The following IGF1 variants were observed in gnomAD, a reference collection of about 807,000 sequenced individuals.
IGF1 encodes the protein insulin like growth factor 1, also known as insulin-like growth factor 1.
IGF1 carries 4 observed loss-of-function variants against 13.8 expected under a neutral mutation model. The ratio of observed to expected loss-of-function variants is 0.29; its 90% CI spans 0.14 to 0.66. The LOEUF is 0.66. Ranked by LOEUF, IGF1 falls within the 30% of genes least tolerant of loss-of-function variation. The pLI is 0.78. For missense variants in IGF1, 124 were observed against 188.5 expected, an observed-to-expected ratio of 0.66 and a Z score of 2.00; for synonymous variants, 76 against 72.6, an observed-to-expected ratio of 1.05 and a Z score of -0.23.
chr12:102,475,266 C>T (rs1880943460), intron 2 of IGF1, among the ~76,000 whole-genome samples: 1 of 151,990 alleles, frequency 6.6e-6, no homozygotes, highest in Admixed American at 6.6e-5. Context: ...TTAAAGCAGC[C>T]CTGCATGTGT....
intron 2 of IGF1, among the ~76,000 whole-genome samples, chr12:102,458,889 T>C (rs1879670444): frequency 6.6e-6 from 1 of 152,104 alleles, no homozygotes; most frequent in Non-Finnish European, 1.5e-5. Context: ...AAATAGGTGG[T>C]AATAAGTCAC....
chr12:102,463,709 CACTTT>C (rs2137210854), intron 2 of IGF1, among the ~76,000 whole-genome samples: 1 of 152,296 alleles, frequency 6.6e-6, no homozygotes, highest in South Asian at 2.1e-4. Flanking sequence ...CATAGCAGTT[CACTTT>C]GAGTGTATGG....
At chr12:102,437,008 T>A (rs1396319811) in intron 2 of IGF1, among the ~76,000 whole-genome samples, 2 of 152,236 alleles carry the variant, frequency 1.3e-5, no homozygotes, top group African/African-American at 4.8e-5. Context: ...GGCCCCTGTT[T>A]CCATTTTCCT....
At chr12:102,424,263 G>GA (rs1343887345) in intron 2 of IGF1, among the ~76,000 whole-genome samples, 2 of 149,040 alleles carry the variant, frequency 1.3e-5, no homozygotes, top group African/African-American at 4.9e-5. Context: ...TTGAAAGGAG[G>GA]AAAAAAGAGG....
chr12:102,477,431 C>T lies in IGF1; in HGVS notation c.64-1632G>A, dbSNP rs555145966. Among the ~76,000 whole-genome samples the T allele has an allele frequency of 6.6e-5, 10 of 151,880 alleles. No individual in the cohort carries two copies. In the South Asian group the frequency reaches 1.7e-3, roughly 25 times the overall value. ...AAGAGGAGGTAAAAGCTCAACTGAA[C>T]ATTTACTGCATTTTTCTCAACAAGA... On this transcript the variant is annotated intron_variant, in intron 1 of 3. Transcript: ENST00000337514.
intron 2 of IGF1, among the ~76,000 whole-genome samples, chr12:102,460,230 T>C (rs1014962603): frequency 2.6e-5 from 4 of 152,218 alleles, no homozygotes; most frequent in Non-Finnish European, 5.9e-5. Context: ...AACATGTCTG[T>C]GGACTAGATG....
chr12:102,421,634 G>A (rs1875730880), intron 2 of IGF1, among the ~76,000 whole-genome samples: 1 of 152,138 alleles, frequency 6.6e-6, no homozygotes, highest in Admixed American at 6.5e-5. Context: ...GATGTAATTG[G>A]GATTCATTTG....
At position 102,459,711 on chromosome 12, in the gene IGF1, T is replaced by C. The variant is rs1021063421; in HGVS notation, c.220+15932A>G. On this transcript the variant is annotated intron_variant, in intron 2 of 3. Coordinates refer to ENST00000337514, the MANE Select transcript of IGF1 (RefSeq NM_000618.5). ...TATCCCTTTGATGATGTCTAAATTT[T>C]TGAATGTTCAGTTTTTAAAATCTGC... Among the ~76,000 whole-genome samples, 5 of 152,212 alleles carry C rather than the reference T, an allele frequency of 3.3e-5. No individual in the cohort carries two copies. The East Asian group carries it at 9.6e-4, about 29-fold the overall frequency.
rs1042643370 is a variant in IGF1, at chr12:102,396,713, G to A, written c.*5794C>T. 3 of 392,934 alleles carry A rather than the reference G, an allele frequency of 7.6e-6. No individual in the cohort carries two copies. Among genetic ancestry groups the A allele is most frequent in the Non-Finnish European group, 9.0e-6 (2 of 222,890 alleles). The allele number at this position is 392,934 out of a possible 1,614,324, so 24.3% of individuals were successfully genotyped here. Reference sequence around the variant, plus strand: ...TGAAAGTGAAAGGTAATTCAGCTCCGGTTATTAGGAGAAACTCTGTCTCCA... The same window carrying A: ...TGAAAGTGAAAGGTAATTCAGCTCCAGTTATTAGGAGAAACTCTGTCTCCA... On this transcript the variant is annotated 3_prime_UTR_variant, in exon 4 of 4. Coordinates refer to ENST00000337514, the MANE Select transcript of IGF1 (RefSeq NM_000618.5).
chr12:102,429,025 A>G (rs894090058), intron 2 of IGF1, among the ~76,000 whole-genome samples: 3 of 152,222 alleles, frequency 2.0e-5, no homozygotes, highest in African/African-American at 7.2e-5. Context: ...TTCAAATGCC[A>G]TCCTCTTTTT....
At chr12:102,428,722 C>T (rs191984508) in intron 2 of IGF1, among the ~76,000 whole-genome samples, 1 of 152,214 alleles carries the variant, frequency 6.6e-6, no homozygotes, top group Non-Finnish European at 1.5e-5. Flanking sequence ...CTTTCGGCCC[C>T]AGGAGGACTG....
At chr12:102,425,691 A>C (rs1876139835) in intron 2 of IGF1, among the ~76,000 whole-genome samples, 1 of 152,200 alleles carries the variant, frequency 6.6e-6, no homozygotes, top group African/African-American at 2.4e-5. Context: ...TGCAAGTCCT[A>C]GGGGCGATAA....
intron 1 of IGF1, among the ~76,000 whole-genome samples, chr12:102,476,928 A>T (rs1345099834): frequency 6.6e-6 from 1 of 152,174 alleles, no homozygotes; most frequent in African/African-American, 2.4e-5. Flanking sequence ...GGCTTTTTCC[A>T]AGAAGCCTCT....
chr12:102,478,433 A>G, intron 1 of IGF1: 1 of 1,258,452 alleles, frequency 7.9e-7, no homozygotes, highest in East Asian at 2.4e-5. Context: ...TGTCTGGGCC[A>G]CAATGAAAAT....
intron 2 of IGF1, among the ~76,000 whole-genome samples, chr12:102,462,221 A>T (rs900898691): frequency 2.6e-5 from 4 of 152,262 alleles, no homozygotes; most frequent in African/African-American, 9.6e-5. Context: ...AACAAGAGAT[A>T]CAAGAGATTG....
intron 2 of IGF1, among the ~76,000 whole-genome samples, chr12:102,451,141 A>G (rs1465724060): frequency 1.3e-5 from 2 of 152,218 alleles, no homozygotes; most frequent in African/African-American, 2.4e-5. Flanking sequence ...ATGGTTCTGC[A>G]CACCTAGTGT....
At chr12:102,415,256 TCATCCATCCATCCATCCATCCATC>T (rs66536957) in intron 3 of IGF1, among the ~76,000 whole-genome samples, 10 of 148,552 alleles carry the variant, frequency 6.7e-5, no homozygotes, top group Admixed American at 2.0e-4. Flanking sequence ...AACCATCCAT[TCATCCATCCATCCATCCATCCATC>T]CATCCATCCA....
intron 2 of IGF1, chr12:102,463,073 T>C (rs72550722): frequency 2.0e-5 from 3 of 152,222 alleles, no homozygotes; most frequent in Admixed American, 1.3e-4. Flanking sequence ...AAATTTGTTA[T>C]ATGTTTCAGG....
At chr12:102,409,000 T>C (rs1458653241) in intron 3 of IGF1, among the ~76,000 whole-genome samples, 1 of 152,222 alleles carries the variant, frequency 6.6e-6, no homozygotes, top group Non-Finnish European at 1.5e-5. Flanking sequence ...CCTCATCTTA[T>C]GCATCTGGTT....
Sources: allele counts gnomAD v4.1 joint callset (sites outside exome capture counted in the v4.1 genomes callset), GRCh38; gene constraint gnomAD v4.1.1; transcripts MANE v1.5; gene names NCBI Gene and HGNC (gene_info 2026-07-23, HGNC 2026-07-21).